The following PLD5 variants were observed in gnomAD, a reference collection of about 807,000 sequenced individuals.
PLD5 encodes inactive phospholipase D5.
In PLD5, 36 loss-of-function variants were observed where a neutral mutation model predicts 61.1. The observed-to-expected ratio is 0.59, with a 90% CI of 0.45 to 0.78. PLD5 has a LOEUF of 0.78. Ranked by LOEUF, PLD5 falls within the 30% of genes least tolerant of loss-of-function variation. The probability of loss-of-function intolerance (pLI) is 0.00; values close to 1 mark genes in which losing one functional copy is unlikely to be tolerated. For synonymous variants in PLD5, 243 were observed against 242.8 expected, an observed-to-expected ratio of 1.00 and a Z score of -0.01; for missense variants, 515 against 644.4, an observed-to-expected ratio of 0.80 and a Z score of 2.17.
At chr1:242,483,001 C>T (rs561131259) in intron 1 of PLD5, among the ~76,000 whole-genome samples, 4 of 152,254 alleles carry the variant, frequency 2.6e-5, no homozygotes, top group South Asian at 4.1e-4. Flanking sequence ...TACAGACAAG[C>T]AAATGCTGAG....
At chr1:242,237,685 C>T (rs1381332631) in intron 4 of PLD5, among the ~76,000 whole-genome samples, 1 of 152,168 alleles carries the variant, frequency 6.6e-6, no homozygotes. Context: ...TGGCTTTCTC[C>T]ACATGGATGC....
At chr1:242,490,147 A>G (rs1668098335) in intron 1 of PLD5, among the ~76,000 whole-genome samples, 1 of 152,200 alleles carries the variant, frequency 6.6e-6, no homozygotes, top group Admixed American at 6.5e-5. Context: ...CCCATCATCA[A>G]AGAATGATGC....
intron 1 of PLD5, among the ~76,000 whole-genome samples, chr1:242,429,848 A>C (rs964413249): frequency 6.6e-6 from 1 of 152,244 alleles, no homozygotes. Flanking sequence ...TTATAGATGC[A>C]ATAAGAAACG....
chr1:242,262,771 G>A (rs1463750952), intron 4 of PLD5, among the ~76,000 whole-genome samples: 2 of 152,160 alleles, frequency 1.3e-5, no homozygotes, highest in African/African-American at 4.8e-5. Context: ...CAGATGCTGT[G>A]TTGGTGCAGG....
At chr1:242,090,272 G>A (rs1386606724) in intron 9 of PLD5, among the ~76,000 whole-genome samples, 162 bp from the exon 10 acceptor site, 3 of 152,008 alleles carry the variant, frequency 2.0e-5, no homozygotes, top group African/African-American at 7.2e-5. Context: ...AATCCAAGAA[G>A]CCTTACATAT....
chr1:242,382,128 C>CAAAAAAAAAAAAAAA lies in PLD5; in HGVS notation c.190-33887_190-33886insTTTTTTTTTTTTTTT, dbSNP rs34582650. On this transcript the variant is annotated intron_variant, in intron 1 of 9. Transcript: ENST00000536534. ...CAACTGATAGCGGAGACTTTGACAG[C>CAAAAAAAAAAAAAAA]AAAAAAAAAAACAAAACAAAAAACT... 1.3e-3 allele frequency among the ~76,000 whole-genome samples: 163 copies of CAAAAAAAAAAAAAAA among 125,466 alleles called. 7 individuals are homozygous for CAAAAAAAAAAAAAAA. Among genetic ancestry groups the CAAAAAAAAAAAAAAA allele is most frequent in the Middle Eastern group, 4.1e-3 (1 of 244 alleles). 82.3% of individuals were successfully genotyped at this position (125,466 alleles called of 152,430 possible).
At chr1:242,250,336 T>G (rs1480260785) in intron 4 of PLD5, among the ~76,000 whole-genome samples, 1 of 152,106 alleles carries the variant, frequency 6.6e-6, no homozygotes, top group Non-Finnish European at 1.5e-5. Flanking sequence ...GGTTAAAGTC[T>G]AGAGGTAGAA....
intron 1 of PLD5, among the ~76,000 whole-genome samples, chr1:242,425,337 C>T (rs1280227410): frequency 6.6e-6 from 1 of 152,058 alleles, no homozygotes; most frequent in African/African-American, 2.4e-5. Flanking sequence ...GTCCTGAATA[C>T]CGTAGGGAAT....
chr1:242,371,882 T>C (rs934179822), intron 1 of PLD5, among the ~76,000 whole-genome samples: 2 of 152,164 alleles, frequency 1.3e-5, no homozygotes, highest in South Asian at 2.1e-4. Context: ...TTTTTTTAAT[T>C]ATACTTTAAG....
chr1:242,458,004 A>G (rs186085897), intron 1 of PLD5, among the ~76,000 whole-genome samples: 18 of 152,294 alleles, frequency 1.2e-4, no homozygotes, highest in Non-Finnish European at 2.1e-4. Context: ...GGTTTTAGGT[A>G]TCGACCTTTG....
chr1:242,510,041 T>C (rs1668854362), intron 1 of PLD5, among the ~76,000 whole-genome samples: 1 of 152,218 alleles, frequency 6.6e-6, no homozygotes, highest in Non-Finnish European at 1.5e-5. Context: ...TTCTTATCCA[T>C]CTTTTCTTCG....
chr1:242,387,345 A>C (rs1662655657), intron 1 of PLD5, among the ~76,000 whole-genome samples: 1 of 152,132 alleles, frequency 6.6e-6, no homozygotes, highest in Non-Finnish European at 1.5e-5. Context: ...ATATATCAAG[A>C]CTCCTAACAA....
At chr1:242,279,970 G>A (rs1674631065) in intron 3 of PLD5, among the ~76,000 whole-genome samples, 1 of 152,170 alleles carries the variant, frequency 6.6e-6, no homozygotes, top group South Asian at 2.1e-4. Flanking sequence ...TACATAGAGA[G>A]TCGTGTCCAC....
intron 3 of PLD5, among the ~76,000 whole-genome samples, chr1:242,268,289 CACAA>C (rs1432918961): frequency 3.3e-5 from 5 of 152,198 alleles, no homozygotes; most frequent in Admixed American, 2.0e-4. Context: ...TTCCCTTTCA[CACAA>C]ACAAACACTT....
At chr1:242,305,942 C>T (rs1283228403) in intron 2 of PLD5, among the ~76,000 whole-genome samples, 3 of 152,160 alleles carry the variant, frequency 2.0e-5, no homozygotes, top group Admixed American at 2.0e-4. Context: ...GGAGAAGGTC[C>T]TCACAACTGG....
intron 5 of PLD5, among the ~76,000 whole-genome samples, chr1:242,202,457 C>T (rs1669040920): frequency 6.6e-6 from 1 of 152,080 alleles, no homozygotes; most frequent in South Asian, 2.1e-4. Flanking sequence ...TCTTTCCTGC[C>T]CTCAAACATA....
intron 3 of PLD5, among the ~76,000 whole-genome samples, chr1:242,271,111 T>C (rs1374373507): frequency 4.6e-5 from 7 of 151,508 alleles, no homozygotes; most frequent in African/African-American, 1.5e-4. Context: ...CATATGGCCA[T>C]TGTTGAAGCC....
At chr1:242,451,523 G>A (rs1280730134) in intron 1 of PLD5, among the ~76,000 whole-genome samples, 2 of 137,082 alleles carry the variant, frequency 1.5e-5, no homozygotes, top group Non-Finnish European at 3.0e-5. Flanking sequence ...GCAATGACAC[G>A]ATCATGGCTC....
intron 2 of PLD5, among the ~76,000 whole-genome samples, chr1:242,294,636 C>A (rs1407893196): frequency 6.6e-6 from 1 of 152,134 alleles, no homozygotes; most frequent in African/African-American, 2.4e-5. Context: ...TGACCTTCAA[C>A]AAATTACTAA....
Sources: allele counts gnomAD v4.1 joint callset (sites outside exome capture counted in the v4.1 genomes callset), GRCh38; gene constraint gnomAD v4.1.1; transcripts MANE v1.5; gene names NCBI Gene and HGNC (gene_info 2026-07-23, HGNC 2026-07-21).